The following KNTC1 variants were observed in gnomAD, a reference collection of about 807,000 sequenced individuals.
The protein encoded by KNTC1 is kinetochore associated 1.
A neutral mutation model predicts 314.4 loss-of-function variants in KNTC1; 253 were observed. The ratio of observed to expected loss-of-function variants is 0.80; its 90% CI spans 0.73 to 0.89. The LOEUF (loss-of-function observed/expected upper bound fraction) is 0.89. KNTC1 is among the 40% of genes least tolerant of loss of function. KNTC1 has a pLI of 0.00. For missense variants in KNTC1, 2,475 were observed against 2,572.9 expected, an observed-to-expected ratio of 0.96 and a Z score of 0.82; for synonymous variants, 901 against 901.4, an observed-to-expected ratio of 1.00 and a Z score of 0.01.
intron 53 of KNTC1, 189 bp from the exon 54 acceptor site, chr12:122,612,923 G>A (rs1324671980): frequency 1.3e-5 from 7 of 555,184 alleles, no homozygotes; most frequent in African/African-American, 7.6e-5. Context: ...AGGAGTCTCA[G>A]GAATGCCCCT....
chr12:122,551,148 G>A (rs59713199), intron 13 of KNTC1, among the ~76,000 whole-genome samples, 171 bp from the exon 14 acceptor site: 24 of 148,870 alleles, frequency 1.6e-4, no homozygotes, highest in African/African-American at 5.9e-4. Flanking sequence ...TTTTCCCAGT[G>A]TTTTTTTTTT....
chr12:122,611,307 TTTC>T (rs2138151846), intron 53 of KNTC1: 2 of 161,020 alleles, frequency 1.2e-5, no homozygotes, highest in Admixed American at 1.3e-4. Context: ...GAACTTGCAA[TTTC>T]CCCTAACGGC....
In KNTC1 at chr12:122,626,206, T is replaced by G. The variant is rs768685653; in HGVS notation, c.6608T>G (p.Met2203Arg). Residue 2203 changes from methionine (M) to arginine (R), a missense_variant and splice_region_variant, in exon 64 of 64, where the codon ATG becomes AGG. Met to Arg is a moderately conservative substitution (Grantham distance 91). Transcript: ENST00000333479. ...PDTAPCEILK[M>R]FLSGLS Reference sequence around the variant, plus strand: ...ACTTCTGTGTTTCTTCCCATTTAGATGTTTCTTAGTGGATTATCGTAAATC... The same window carrying G: ...ACTTCTGTGTTTCTTCCCATTTAGAGGTTTCTTAGTGGATTATCGTAAATC... The G allele has an allele frequency of 6.3e-7, 1 of 1,585,946 alleles. No homozygotes were observed. The highest frequency in any genetic ancestry group is 1.1e-5 in the South Asian group (1 of 88,658).
intron 2 of KNTC1, among the ~76,000 whole-genome samples, chr12:122,531,680 G>A (rs1208924659): frequency 6.6e-6 from 1 of 151,924 alleles, no homozygotes; most frequent in East Asian, 1.9e-4. Flanking sequence ...TGAATCCTTC[G>A]AGACATCTGA....
chr12:122,562,729 G>A (rs1964060497), intron 20 of KNTC1, 30 bp downstream of exon 20: 2 of 1,392,636 alleles, frequency 1.4e-6, no homozygotes, highest in Non-Finnish European at 2.0e-6. Context: ...AACTTTTTAG[G>A]CCAGGCATGG....
In KNTC1 at chr12:122,621,939, A is replaced by G. The variant is rs375970712; in HGVS notation, c.6338A>G (p.Asn2113Ser). 3.9e-5 allele frequency: 63 copies of G among 1,609,470 alleles called. No homozygotes were observed. In the African/African-American group the frequency reaches 7.9e-4, roughly 20 times the overall value. Residue 2113 changes from asparagine to serine, a missense_variant, in exon 61 of 64, where the codon AAC becomes AGC. By Grantham distance (46) the Asn-to-Ser change is conservative. Coordinates refer to ENST00000333479, the MANE Select transcript of KNTC1 (RefSeq NM_014708.6). ...TTAAAGCAATTGGAAGAGCATATGA[A>G]CACGGGCCAGCTAGCAGGATTTTCA... is the stretch of plus-strand genomic sequence containing the variant. Reference protein sequence around the residue: ...VILKQLEEHMNTGQLAGFSHQ... With the variant: ...VILKQLEEHMSTGQLAGFSHQ...
At chr12:122,528,192 G>A in intron 1 of KNTC1, among the ~76,000 whole-genome samples, 1 of 152,136 alleles carries the variant, frequency 6.6e-6, no homozygotes, top group Admixed American at 6.6e-5. Flanking sequence ...CTATTTCACA[G>A]ATGTGGGAAA....
chr12:122,538,456 T>C lies in KNTC1; in HGVS notation c.366+2T>C. 1 of 1,444,366 alleles carries C rather than the reference T, an allele frequency of 6.9e-7. No homozygotes were observed. Among genetic ancestry groups the C allele is most frequent in the Non-Finnish European group, 9.5e-7 (1 of 1,049,740 alleles). The allele number at this position is 1,444,366 out of a possible 1,614,324, so 89.5% of individuals were successfully genotyped here. ...TCAAAACAAACACTACTCACTAATG[T>C]AAGATCTTGTTGTATTTTAATTTTC... On this transcript the variant is annotated splice_donor_variant, in intron 4 of 63. Transcript: ENST00000333479. LOFTEE classifies it high-confidence loss of function.
chr12:122,588,802 A>G lies in KNTC1; in HGVS notation c.3985A>G (p.Thr1329Ala). The G allele has an allele frequency of 2.0e-6, 3 of 1,536,914 alleles. No individual in the cohort carries two copies. The highest frequency in any genetic ancestry group is 2.5e-5 in the South Asian group (2 of 78,894). The change falls in exon 40 of 64, where the codon ACA (threonine) becomes GCA (alanine). Residue 1329 changes from threonine (T) to alanine (A), a missense_variant. By Grantham distance (58) the Thr-to-Ala change is moderately conservative (BLOSUM62 0). Transcript: ENST00000333479. ...AVIFIRENAT[T>A]LLHKVFNCRL... ...TATATTTATCAGGGAAAATGCTACA[A>G]CACTACTGCACAAAGTAAGTATTTG...
Position 122,544,238 on chromosome 12 carries a change from AT to A in KNTC1, c.641del (p.Leu214Ter). 2.0e-5 allele frequency: 32 copies of A among 1,581,722 alleles called. No homozygotes were observed. The highest frequency in any genetic ancestry group is 2.7e-5 in the Non-Finnish European group (32 of 1,166,348). On this transcript the variant is annotated frameshift_variant, in exon 8 of 64. Coordinates refer to ENST00000333479, the MANE Select transcript of KNTC1 (RefSeq NM_014708.6). LOFTEE classifies it high-confidence loss of function. ...GGTTGTCTCAGTCTTGTGGCTGGAG[AT>A]TTAGCAAGTGAAGTTCCTGTGATAA... Reference protein sequence around the residue: ...TLGCLSLVAGDLASEVPVIIG... With the variant: ...TLGCLSLVAGXLASEVPVIIG...
rs770173121 is a variant in KNTC1 at position 122,588,715 on chromosome 12, T to C, written c.3898T>C (p.Phe1300Leu). The change falls in exon 40 of 64, where the codon TTT becomes CTT. Residue 1300 changes from phenylalanine to leucine, a missense_variant. By Grantham distance (22) the Phe-to-Leu change is conservative. Transcript: ENST00000333479. ...FMNATLSEKL[F>L]GETTLVKSRH... ...TTTTTTTCTTCTTTTCTAAAAGTTA[T>C]TTGGAGAGACTACATTAGTTAAATC... 8 of 1,510,864 alleles carry C rather than the reference T, an allele frequency of 5.3e-6. No individual in the cohort carries two copies. The highest frequency in any genetic ancestry group is 5.3e-6 in the Non-Finnish European group (6 of 1,130,646). 93.6% of individuals were successfully genotyped at this position (1,510,864 alleles called of 1,614,324 possible). A position where few individuals can be genotyped will look rare whatever the true frequency, so the allele number is the denominator to read the frequency against.
At chr12:122,571,732 C>T (rs983752290) in intron 24 of KNTC1, among the ~76,000 whole-genome samples, 7 of 151,638 alleles carry the variant, frequency 4.6e-5, no homozygotes, top group Admixed American at 2.0e-4. Context: ...TGCAGTGGTG[C>T]GATCTCAGCT....
At chr12:122,568,470 T>G in intron 21 of KNTC1, 98 bp downstream of exon 21, 1 of 760,326 alleles carries the variant, frequency 1.3e-6, no homozygotes, top group Non-Finnish European at 2.3e-6. Context: ...TCTGACTGGG[T>G]GATGGGATGT....
rs1428064708 is a variant in KNTC1, at chr12:122,534,664, G to T, written c.130G>T (p.Ala44Ser). The change falls in exon 3 of 64, where the codon GCC (alanine) becomes TCC (serine). Residue 44 changes from alanine (A) to serine (S), a missense_variant and splice_region_variant. Transcript: ENST00000333479. ...TTCATCATGCTTTTCTCTCCCACAG[G>T]CCTCATTAAATCCAAAGATACAGGC... ...DLLVKISSEK[A>S]SLNPKIQACS... The T allele has an allele frequency of 3.7e-6, 6 of 1,605,402 alleles. No individual in the cohort carries two copies. The highest frequency in any genetic ancestry group is 1.1e-5 in the South Asian group (1 of 89,874).
chr12:122,564,786 A>G (rs1353918225), intron 20 of KNTC1, among the ~76,000 whole-genome samples: 3 of 151,980 alleles, frequency 2.0e-5, no homozygotes, highest in Non-Finnish European at 4.4e-5. Flanking sequence ...TTTCTTTAAC[A>G]CAAATATTTT....
intron 61 of KNTC1, 115 bp downstream of exon 61, chr12:122,622,085 T>C: frequency 2.5e-6 from 2 of 788,102 alleles, no homozygotes; most frequent in South Asian, 3.3e-5. Context: ...TGTTTATGTA[T>C]AGAATTATTT....
chr12:122,588,896 T>A, intron 40 of KNTC1, 80 bp downstream of exon 40: 1 of 820,214 alleles, frequency 1.2e-6, no homozygotes, highest in Non-Finnish European at 1.9e-6. Flanking sequence ...GACTCAATAG[T>A]TTATGATTCA....
rs898387091 is a variant in KNTC1, at chr12:122,602,753, T to G, written c.4825+13T>G. 8 of 1,612,276 alleles carry G rather than the reference T, an allele frequency of 5.0e-6. No homozygotes were observed. The African/African-American group carries it at 9.4e-5, about 19-fold the overall frequency. On this transcript the variant is annotated intron_variant, in intron 46 of 63. Transcript: ENST00000333479. Reference sequence around the variant, plus strand: ...TGGAAAATTCTCTGTATGTGTTCATTAACTTTTTATGAATTTTACTGGATA... The same window carrying G: ...TGGAAAATTCTCTGTATGTGTTCATGAACTTTTTATGAATTTTACTGGATA...
intron 51 of KNTC1, among the ~76,000 whole-genome samples, chr12:122,607,155 C>G (rs992731507): frequency 6.6e-6 from 1 of 152,250 alleles, no homozygotes; most frequent in Non-Finnish European, 1.5e-5. Context: ...CCCCCACCTC[C>G]TGGGTTCAAG....
Sources: gnomAD v4.1 joint callset for allele counts (sites outside exome capture counted in the v4.1 genomes callset) on GRCh38, gnomAD v4.1.1 for gene constraint, MANE v1.5 for transcripts, NCBI Gene and HGNC (gene_info 2026-07-23, HGNC 2026-07-21) for gene names.